DLG2: variants seen among roughly 807,000 people sequenced by gnomAD.
DLG2 encodes discs large MAGUK scaffold protein 2, also known as disks large homolog 2.
A neutral mutation model predicts 132.5 loss-of-function variants in DLG2; 45 were observed. The observed-to-expected ratio is 0.34, with a 90% confidence interval of 0.27 to 0.44. The LOEUF is 0.44. DLG2 is among the 20% of genes least tolerant of loss of function. The pLI, the probability that DLG2 is intolerant of heterozygous loss-of-function variation, is 1.00. For synonymous variants in DLG2, 424 were observed against 419.6 expected (o/e 1.01, Z -0.13); for missense variants, 1,045 against 1,196.9 (o/e 0.87, Z 1.87).
chr11:85,069,616 ACCG>A, intron 6 of DLG2, among the ~76,000 whole-genome samples: 1 of 151,992 alleles, frequency 6.6e-6, no homozygotes, highest in Admixed American at 6.6e-5. Context: ...CCATCTCACA[ACCG>A]TTAGAATGGC....
intron 4 of DLG2, among the ~76,000 whole-genome samples, chr11:85,195,888 A>G (rs756064365): frequency 5.9e-5 from 9 of 152,234 alleles, no homozygotes; most frequent in Non-Finnish European, 1.2e-4. Context: ...TTTTTAAAAT[A>G]GAAACAATTT....
At chr11:84,919,882 C>T (rs2092677624) in intron 6 of DLG2, among the ~76,000 whole-genome samples, 2 of 152,154 alleles carry the variant, frequency 1.3e-5, no homozygotes, top group Admixed American at 6.5e-5. Flanking sequence ...GAACTGTGTA[C>T]GTGATGATCA....
At chr11:83,689,634 A>G (rs971489683) in intron 18 of DLG2, among the ~76,000 whole-genome samples, 2 of 152,046 alleles carry the variant, frequency 1.3e-5, no homozygotes, top group Non-Finnish European at 2.9e-5. Flanking sequence ...AATGTAAACT[A>G]TCTTGTTTCT....
intron 9 of DLG2, among the ~76,000 whole-genome samples, chr11:84,110,891 C>T (rs1405759732): frequency 6.6e-6 from 1 of 152,170 alleles, no homozygotes; most frequent in Non-Finnish European, 1.5e-5. Flanking sequence ...CTGAGGGTCG[C>T]CATTTTGTAA....
At chr11:84,747,089 A>G (rs2065472804) in intron 6 of DLG2, among the ~76,000 whole-genome samples, 1 of 152,172 alleles carries the variant, frequency 6.6e-6, no homozygotes, top group South Asian at 2.1e-4. Context: ...TGAGTAGGCA[A>G]TGTTTCTCCT....
chr11:85,061,324 C>G (rs542209058), intron 6 of DLG2, among the ~76,000 whole-genome samples: 111 of 74,188 alleles, frequency 1.5e-3, no homozygotes, highest in African/African-American at 0.014. Flanking sequence ...TCTTTCTGCA[C>G]TGGCATCTTT....
intron 6 of DLG2, among the ~76,000 whole-genome samples, chr11:84,554,303 A>C (rs1261148004): frequency 6.6e-6 from 1 of 152,178 alleles, no homozygotes; most frequent in Non-Finnish European, 1.5e-5. Context: ...CTTAATGTGG[A>C]TAGGACTTGC....
At chr11:84,702,109 A>C (rs992526653) in intron 6 of DLG2, among the ~76,000 whole-genome samples, 1 of 151,624 alleles carries the variant, frequency 6.6e-6, no homozygotes, top group Non-Finnish European at 1.5e-5. Context: ...TGAACGAATA[A>C]ATAAATCATC....
At chr11:84,602,193 G>C (rs1343943143) in intron 6 of DLG2, among the ~76,000 whole-genome samples, 3 of 151,856 alleles carry the variant, frequency 2.0e-5, no homozygotes, top group African/African-American at 7.2e-5. Flanking sequence ...TATTTTCCTA[G>C]AGATGGAGAA....
At chr11:83,851,823 G>C (rs764084344) in intron 16 of DLG2, among the ~76,000 whole-genome samples, 3 of 152,016 alleles carry the variant, frequency 2.0e-5, no homozygotes, top group African/African-American at 4.8e-5. Context: ...AGGAGGCTGA[G>C]GCAGAGAATT....
At chr11:85,456,705 G>A (rs2092434912) in intron 3 of DLG2, among the ~76,000 whole-genome samples, 1 of 152,104 alleles carries the variant, frequency 6.6e-6, no homozygotes, top group South Asian at 2.1e-4. Context: ...CTTGATTTCT[G>A]CCATAGTTTC....
At chr11:85,530,305 TTTTATTTTA>T (rs1349139847) in intron 3 of DLG2, among the ~76,000 whole-genome samples, 2 of 150,294 alleles carry the variant, frequency 1.3e-5, no homozygotes, top group Non-Finnish European at 3.0e-5. Flanking sequence ...CTTTTTTTAT[TTTTATTTTA>T]TTTATTTTAT....
chr11:84,434,842 GT>G (rs2098995649), intron 7 of DLG2, among the ~76,000 whole-genome samples: 2 of 141,332 alleles, frequency 1.4e-5, no homozygotes, highest in Non-Finnish European at 3.0e-5. Context: ...ACTTTTCAGT[GT>G]TAAAATAGAA....
intron 7 of DLG2, among the ~76,000 whole-genome samples, chr11:84,350,819 T>A (rs918043788): frequency 6.6e-6 from 1 of 152,186 alleles, no homozygotes; most frequent in Non-Finnish European, 1.5e-5. Flanking sequence ...AATGGAATAT[T>A]TGCTAAATAA....
intron 7 of DLG2, among the ~76,000 whole-genome samples, chr11:84,283,997 T>G (rs1184869176): frequency 6.6e-6 from 1 of 152,020 alleles, no homozygotes; most frequent in African/African-American, 2.4e-5. Context: ...TCTCAGCACT[T>G]TGGGAGGTAG....
intron 14 of DLG2, among the ~76,000 whole-genome samples, chr11:83,934,980 T>C (rs1377823681): frequency 6.6e-6 from 1 of 152,208 alleles, no homozygotes; most frequent in Non-Finnish European, 1.5e-5. Flanking sequence ...CATATATGTA[T>C]ATGATTTTGA....
intron 15 of DLG2, among the ~76,000 whole-genome samples, chr11:83,883,318 T>C (rs1447811864): frequency 6.6e-6 from 1 of 152,206 alleles, no homozygotes; most frequent in South Asian, 2.1e-4. Flanking sequence ...GCATACCGAA[T>C]TGACTTGTAA....
At chr11:85,607,277 G>C (rs1459984510) in intron 2 of DLG2, among the ~76,000 whole-genome samples, 1 of 152,200 alleles carries the variant, frequency 6.6e-6, no homozygotes, top group African/African-American at 2.4e-5. Flanking sequence ...TCAGAGTTGG[G>C]AGCATTGGTT....
intron 6 of DLG2, among the ~76,000 whole-genome samples, chr11:84,996,700 T>G (rs2057683905): frequency 6.6e-6 from 1 of 152,162 alleles, no homozygotes; most frequent in Non-Finnish European, 1.5e-5. Flanking sequence ...ATGGCACTAA[T>G]TACACAGTAA....
Sources: gnomAD v4.1 joint callset for allele counts (sites outside exome capture counted in the v4.1 genomes callset) on GRCh38, gnomAD v4.1.1 for gene constraint, MANE v1.5 for transcripts, NCBI Gene and HGNC (gene_info 2026-07-23, HGNC 2026-07-21) for gene names.